Variants in SH3BGRL2 observed in about 807,000 individuals in gnomAD.
The protein encoded by SH3BGRL2 is SH3 domain-binding glutamic acid-rich-like protein 2.
SH3BGRL2 carries 21 observed loss-of-function variants against 14.8 expected under a neutral mutation model. The observed-to-expected ratio is 1.42, with a 90% CI of 1.01 to 2.05. The LOEUF (loss-of-function observed/expected upper bound fraction) is 2.05, where lower values mean the gene tolerates loss of function less well. Ranked by LOEUF, SH3BGRL2 falls within the 30% of genes most tolerant of loss-of-function variation. The pLI, the probability that SH3BGRL2 is intolerant of heterozygous loss-of-function variation, is 0.00. For missense variants in SH3BGRL2, 147 were observed against 130.8 expected, an observed-to-expected ratio of 1.12 and a Z score of -0.61; for synonymous variants, 50 against 47.8, an observed-to-expected ratio of 1.05 and a Z score of -0.19.
chr6:79,558,644 C>T, the SH3BGRL2 span, among the ~76,000 whole-genome samples: 1 of 151,754 alleles, frequency 6.6e-6, no homozygotes, highest in East Asian at 1.9e-4. Flanking sequence ...GAGGGCAGAT[C>T]GCTTCAGCCC....
the SH3BGRL2 span, among the ~76,000 whole-genome samples, chr6:79,607,588 G>C: frequency 6.6e-6 from 1 of 152,148 alleles, no homozygotes; most frequent in Non-Finnish European, 1.5e-5. Context: ...ACCCACTGCA[G>C]ATGCACTGCC....
At chr6:79,648,355 T>C (rs1422241230) in intron 1 of SH3BGRL2, among the ~76,000 whole-genome samples, 1 of 144,672 alleles carries the variant, frequency 6.9e-6, no homozygotes, top group Non-Finnish European at 1.5e-5. Context: ...TATATATATA[T>C]GGCTTCTTTT....
intron 1 of SH3BGRL2, among the ~76,000 whole-genome samples, chr6:79,650,001 A>ACACACG (rs1769253697): frequency 6.6e-6 from 1 of 151,740 alleles, no homozygotes; most frequent in South Asian, 2.1e-4. Flanking sequence ...ACACACACAC[A>ACACACG]CACACACACA....
chr6:79,684,493 A>T (rs1341736919), intron 2 of SH3BGRL2, among the ~76,000 whole-genome samples: 1 of 152,108 alleles, frequency 6.6e-6, no homozygotes, highest in Non-Finnish European at 1.5e-5. Flanking sequence ...AACACAGAAC[A>T]TACCTAACAA....
the SH3BGRL2 span, among the ~76,000 whole-genome samples, chr6:79,587,729 G>A: frequency 6.6e-6 from 1 of 152,152 alleles, no homozygotes; most frequent in Non-Finnish European, 1.5e-5. Flanking sequence ...CAAGAGAAAA[G>A]CATACACATT....
At chr6:79,607,592 C>T in the SH3BGRL2 span, among the ~76,000 whole-genome samples, 187 of 152,268 alleles carry the variant, frequency 1.2e-3, 1 homozygote, top group Non-Finnish European at 2.3e-3. Flanking sequence ...ACTGCAGATG[C>T]ACTGCCCCTG....
At chr6:79,595,274 G>A in the SH3BGRL2 span, among the ~76,000 whole-genome samples, 3 of 151,614 alleles carry the variant, frequency 2.0e-5, no homozygotes, top group Admixed American at 2.0e-4. Flanking sequence ...TGGGCAACAA[G>A]AGAGAAACAT....
the SH3BGRL2 span, among the ~76,000 whole-genome samples, chr6:79,546,974 C>G: frequency 3.3e-5 from 5 of 152,156 alleles, no homozygotes; most frequent in Admixed American, 6.5e-5. Context: ...GCCACTGGGC[C>G]TGGCCTAAGT....
the SH3BGRL2 span, among the ~76,000 whole-genome samples, chr6:79,598,944 G>A: frequency 6.6e-6 from 1 of 152,040 alleles, no homozygotes; most frequent in Non-Finnish European, 1.5e-5. Flanking sequence ...AGCCGGGTGT[G>A]GTGGCACATG....
In SH3BGRL2 at chr6:79,702,970, C is replaced by T. The variant is rs954979044; in HGVS notation, c.*3461C>T. ...GCATTGTTTGAGGTTGATCTCAGCA[C>T]TGAACGATTTCAAGCCCTACGCACC... On this transcript the variant is annotated 3_prime_UTR_variant, in exon 4 of 4. Coordinates refer to ENST00000369838, the MANE Select transcript of SH3BGRL2 (RefSeq NM_031469.4). 3.9e-5 allele frequency: 6 copies of T among 152,218 alleles called. No homozygotes were observed. Among genetic ancestry groups the T allele is most frequent in the African/African-American group, 1.2e-4 (5 of 41,444 alleles). 9.4% of individuals were successfully genotyped at this position (152,218 alleles called of 1,614,324 possible).
chr6:79,549,199 TC>T, the SH3BGRL2 span, among the ~76,000 whole-genome samples: 3 of 152,274 alleles, frequency 2.0e-5, no homozygotes, highest in East Asian at 5.8e-4. Context: ...CACCAAAAGT[TC>T]AAGGAAATTC....
At chr6:79,640,579 G>A (rs114562147) in intron 1 of SH3BGRL2, among the ~76,000 whole-genome samples, 254 of 152,108 alleles carry the variant, frequency 1.7e-3, no homozygotes, top group African/African-American at 5.2e-3. Flanking sequence ...ATTCCCAAGG[G>A]GATCTACTCT....
At position 79,673,642 on chromosome 6, in the gene SH3BGRL2, G is replaced by T. The variant is rs375967390; in HGVS notation, c.74G>T (p.Arg25Ile). Residue 25 changes from arginine to isoleucine, a missense_variant, in exon 2 of 4, where the codon AGA (arginine) becomes ATA (isoleucine). By Grantham distance (97) the Arg-to-Ile change is moderately conservative (BLOSUM62 -3). Coordinates refer to ENST00000369838, the MANE Select transcript of SH3BGRL2 (RefSeq NM_031469.4). ...AAGAAGAAGCAGCAAGATGTGGTTA[G>T]ATTTCTGGAAGCCAACAAGATAGAG... ...AIKKKQQDVV[R>I]FLEANKIEFE... 12 of 1,613,948 alleles carry T rather than the reference G, an allele frequency of 7.4e-6. No homozygotes were observed. The Admixed American group carries it at 1.7e-4, about 22-fold the overall frequency.
chr6:79,696,518 A>G lies in SH3BGRL2; in HGVS notation c.265A>G (p.Asn89Asp). Residue 89 changes from asparagine to aspartate, a missense_variant, in exon 3 of 4, where the codon AAC (asparagine) becomes GAC (aspartate). Coordinates refer to ENST00000369838, the MANE Select transcript of SH3BGRL2 (RefSeq NM_031469.4). ...CAGTTTTTTTGAATCCAAGGAAAGC[A>G]ACACAGTCTTTTCATTTTTAGGCCT... ...YDSFFESKES[N>D]TVFSFLGLKP... The G allele has an allele frequency of 6.3e-7, 1 of 1,580,762 alleles. No homozygotes were observed. Among genetic ancestry groups the G allele is most frequent in the Non-Finnish European group, 8.5e-7 (1 of 1,171,124 alleles).
At chr6:79,641,150 TTGTGTGTGTG>T (rs373404859) in intron 1 of SH3BGRL2, among the ~76,000 whole-genome samples, 38,890 of 141,280 alleles carry the variant, frequency 0.28, 5,484 homozygotes, top group Middle Eastern at 0.37. Flanking sequence ...TCTCACCCTT[TTGTGTGTGTG>T]TGTGTGTGTG....
At chr6:79,614,108 C>T in the SH3BGRL2 span, among the ~76,000 whole-genome samples, 2 of 152,042 alleles carry the variant, frequency 1.3e-5, no homozygotes, top group Admixed American at 6.6e-5. Context: ...AGAGGAGGAG[C>T]GCCCCCGCTG....
At chr6:79,696,637 C>A in intron 3 of SH3BGRL2, 72 bp downstream of exon 3, 1 of 1,157,198 alleles carries the variant, frequency 8.6e-7, no homozygotes, top group Non-Finnish European at 1.2e-6. Context: ...TGTAGAGTGA[C>A]GGTGTTAGAG....
At chr6:79,673,823 G>T in intron 2 of SH3BGRL2, 24 bp downstream of exon 2, 11 of 1,601,728 alleles carry the variant, frequency 6.9e-6, no homozygotes, top group Non-Finnish European at 9.4e-6. Flanking sequence ...CTGTTATCAT[G>T]CTGTTTCTTT....
At position 79,654,796 on chromosome 6, in the gene SH3BGRL2, G is replaced by C. The variant is rs767333589; in HGVS notation, c.46-18818G>C. Among the ~76,000 whole-genome samples, 4 of 152,252 alleles carry C rather than the reference G, an allele frequency of 2.6e-5. No individual in the cohort carries two copies. In the South Asian group the frequency reaches 6.2e-4, roughly 24 times the overall value. ...GGAAGTGTCATGTACCTGCTTGAGG[G>C]GGGTGGTGTTAAGGTTTGATCCCTT... On this transcript the variant is annotated intron_variant, in intron 1 of 3. Transcript: ENST00000369838.
Sources: allele counts gnomAD v4.1 joint callset (sites outside exome capture counted in the v4.1 genomes callset), GRCh38; gene constraint gnomAD v4.1.1; transcripts MANE v1.5; gene names NCBI Gene and HGNC (gene_info 2026-07-23, HGNC 2026-07-21).